SLC24A4: variants seen among roughly 807,000 people sequenced by gnomAD.
The protein encoded by SLC24A4 is sodium/potassium/calcium exchanger 4.
SLC24A4 carries 53 observed loss-of-function variants against 79.0 expected under a neutral mutation model. The observed-to-expected ratio is 0.67, with a 90% CI of 0.54 to 0.84. The LOEUF (loss-of-function observed/expected upper bound fraction) is 0.84. Among genes scored for constraint, SLC24A4 ranks in the 40% least tolerant of loss-of-function variants. The pLI is 0.00. For missense variants in SLC24A4, 731 were observed against 822.0 expected (o/e 0.89, Z 1.35); for synonymous variants, 323 against 323.8 (o/e 1.00, Z 0.03).
At chr14:92,466,373 A>T (rs1894118618) in intron 12 of SLC24A4, among the ~76,000 whole-genome samples, 1 of 152,098 alleles carries the variant, frequency 6.6e-6, no homozygotes, top group Non-Finnish European at 1.5e-5. Flanking sequence ...TGTTATCCCC[A>T]TTTTATAGAT....
At chr14:92,340,770 C>T (rs890581236) in intron 2 of SLC24A4, among the ~76,000 whole-genome samples, 2 of 152,110 alleles carry the variant, frequency 1.3e-5, no homozygotes, top group African/African-American at 4.8e-5. Context: ...TTCTGCGCTC[C>T]CTCCACACAT....
At chr14:92,358,912 C>T (rs1156259370) in intron 2 of SLC24A4, among the ~76,000 whole-genome samples, 1 of 151,984 alleles carries the variant, frequency 6.6e-6, no homozygotes, top group Non-Finnish European at 1.5e-5. Flanking sequence ...TCTTGAACTC[C>T]TGACCTCAAG....
intron 2 of SLC24A4, among the ~76,000 whole-genome samples, chr14:92,394,085 T>C (rs1051873004): frequency 1.3e-5 from 2 of 151,834 alleles, no homozygotes; most frequent in African/African-American, 4.8e-5. Context: ...GCTCAAGTGA[T>C]CCTCCCACCT....
intron 2 of SLC24A4, among the ~76,000 whole-genome samples, chr14:92,379,412 C>T (rs796862265): frequency 2.6e-5 from 4 of 152,166 alleles, no homozygotes; most frequent in Non-Finnish European, 5.9e-5. Context: ...GGCCCCAATC[C>T]CTGCTCCTCC....
chr14:92,467,688 G>A (rs2139881266), intron 12 of SLC24A4, among the ~76,000 whole-genome samples: 1 of 152,294 alleles, frequency 6.6e-6, no homozygotes, highest in Admixed American at 6.5e-5. Flanking sequence ...CATGTGCTGG[G>A]AGGAAAAGTA....
At chr14:92,393,137 C>G (rs1199433671) in intron 2 of SLC24A4, among the ~76,000 whole-genome samples, 1 of 152,254 alleles carries the variant, frequency 6.6e-6, no homozygotes, top group Non-Finnish European at 1.5e-5. Context: ...CACCAGCCAT[C>G]GAATCTGCTG....
chr14:92,413,618 T>G (rs1045810986), intron 2 of SLC24A4, among the ~76,000 whole-genome samples: 1 of 152,194 alleles, frequency 6.6e-6, no homozygotes, highest in East Asian at 1.9e-4. Flanking sequence ...CATATTCCCT[T>G]GCAGCCCTCA....
chr14:92,350,443 A>G (rs1886802586), intron 2 of SLC24A4, among the ~76,000 whole-genome samples: 1 of 152,266 alleles, frequency 6.6e-6, no homozygotes, highest in African/African-American at 2.4e-5. Context: ...TATAGTCAAG[A>G]TCAAGCAAAC....
At chr14:92,447,014 C>T (rs1246479113) in intron 8 of SLC24A4, among the ~76,000 whole-genome samples, 1 of 152,216 alleles carries the variant, frequency 6.6e-6, no homozygotes, top group African/African-American at 2.4e-5. Context: ...CACAGGGTCT[C>T]TCAGGGTCGA....
rs1361566855 is a variant in SLC24A4 at position 92,494,673 on chromosome 14, C to A, written c.*1045C>A. 2.0e-5 allele frequency: 3 copies of A among 152,178 alleles called. No individual in the cohort carries two copies. The highest frequency in any genetic ancestry group is 4.4e-5 in the Non-Finnish European group (3 of 68,038). The allele number at this position is 152,178 out of a possible 1,614,324, so 9.4% of individuals were successfully genotyped here. On this transcript the variant is annotated 3_prime_UTR_variant, in exon 17 of 17. Transcript: ENST00000532405. The surrounding 1 kb of genome is among the most constrained non-coding windows in gnomAD (Gnocchi z 4.6). ...AAATTTCATAGCCTGCTGAACTGAA[C>A]TGAGTGTGTCAGAAGTGCTGGTTAA...
chr14:92,379,808 G>T (rs1486440848), intron 2 of SLC24A4, among the ~76,000 whole-genome samples: 1 of 152,018 alleles, frequency 6.6e-6, no homozygotes, highest in Admixed American at 6.6e-5. Context: ...CCTCCCCATC[G>T]CACACTGACC....
rs1399933125 is a variant in SLC24A4, at chr14:92,493,623, G to A, written c.1864G>A (p.Asp622Asn). 14 of 1,614,124 alleles carry A rather than the reference G, an allele frequency of 8.7e-6. No homozygotes were observed. The highest frequency in any genetic ancestry group is 1.3e-5 in the African/African-American group (1 of 75,052). ...CAACTTGCCGATGTGCCGGGAAGAC[G>A]ATTAGCGCTGAGTCGCGGCCCCTGG... ...FVNLPMCREDD is the reference protein window; with the variant it reads ...FVNLPMCREDN The change falls in exon 17 of 17, where the codon GAT becomes AAT. Residue 622 changes from aspartate (D) to asparagine (N), a missense_variant. By Grantham distance (23) the Asp-to-Asn change is conservative. Transcript: ENST00000532405.
chr14:92,484,618 A>C (rs1358951896), intron 13 of SLC24A4: 1 of 985,306 alleles, frequency 1.0e-6, no homozygotes, highest in East Asian at 1.1e-4. Flanking sequence ...GGACCCCAGC[A>C]TCTGCCCCAG....
chr14:92,367,363 C>G (rs956420711), intron 2 of SLC24A4, among the ~76,000 whole-genome samples: 1 of 152,216 alleles, frequency 6.6e-6, no homozygotes, highest in South Asian at 2.1e-4. Flanking sequence ...TATGAAATGA[C>G]ATGACAAGCA....
chr14:92,400,168 T>A lies in SLC24A4; in HGVS notation c.242-33744T>A, dbSNP rs549043487. On this transcript the variant is annotated intron_variant, in intron 2 of 16. Coordinates refer to ENST00000532405, the MANE Select transcript of SLC24A4 (RefSeq NM_153646.4). ...AAAAATCAGAGTTGGAGGCCGAGCG[T>A]GGTGGCTCACGCCTGTAATCCCAGC... Among the ~76,000 whole-genome samples the A allele has an allele frequency of 4.0e-4, 61 of 152,142 alleles. 1 individual carries two copies. Among genetic ancestry groups the A allele is most frequent in the South Asian group, 2.1e-3 (10 of 4,818 alleles).
Position 92,443,320 on chromosome 14 carries a change from C to G in SLC24A4, c.583-80C>G, listed in dbSNP as rs749875657. On this transcript the variant is annotated intron_variant, in intron 6 of 16. Coordinates refer to ENST00000532405, the MANE Select transcript of SLC24A4 (RefSeq NM_153646.4). ...AGCTCTGTGGGCATGCCCTGCACTG[C>G]GGGGGGAGGAGGCCTGGGCAGCTGC... 5 of 1,354,202 alleles carry G rather than the reference C, an allele frequency of 3.7e-6. No individual in the cohort carries two copies. The African/African-American group carries it at 4.3e-5, about 12-fold the overall frequency. 83.9% of individuals were successfully genotyped at this position (1,354,202 alleles called of 1,614,324 possible).
chr14:92,342,631 C>T (rs1266994702), intron 2 of SLC24A4, among the ~76,000 whole-genome samples: 5 of 152,200 alleles, frequency 3.3e-5, no homozygotes, highest in Non-Finnish European at 7.3e-5. Flanking sequence ...GATCCACCCG[C>T]CTCGGCCTCC....
chr14:92,347,799 C>T (rs1192126171), intron 2 of SLC24A4, among the ~76,000 whole-genome samples: 1 of 152,012 alleles, frequency 6.6e-6, no homozygotes, highest in Middle Eastern at 3.2e-3. Context: ...TGGTGGTGGG[C>T]ATCTGTAATC....
chr14:92,351,455 G>A (rs562412670), intron 2 of SLC24A4, among the ~76,000 whole-genome samples: 10 of 152,078 alleles, frequency 6.6e-5, no homozygotes, highest in South Asian at 2.1e-4. Flanking sequence ...AAAATTAGCA[G>A]CTATTGTTAC....
Sources: allele counts gnomAD v4.1 joint callset (sites outside exome capture counted in the v4.1 genomes callset), GRCh38; gene constraint gnomAD v4.1.1; non-coding constraint Gnocchi (gnomAD v3.1); transcripts MANE v1.5; gene names NCBI Gene and HGNC (gene_info 2026-07-23, HGNC 2026-07-21).